Variants in DCHS2 observed in about 807,000 individuals in gnomAD.
DCHS2 encodes dachsous cadherin-related 2, also known as protocadherin-23.
DCHS2 carries 142 observed loss-of-function variants against 182.4 expected under a neutral mutation model. The ratio of observed to expected loss-of-function variants is 0.78; its 90% confidence interval spans 0.68 to 0.89. The LOEUF (loss-of-function observed/expected upper bound fraction) is 0.89, where lower values mean the gene tolerates loss of function less well. DCHS2 is among the 40% of genes least tolerant of loss of function. The probability of loss-of-function intolerance (pLI) is 0.00; values close to 1 mark genes in which losing one functional copy is unlikely to be tolerated. For synonymous variants in DCHS2, 1,740 were observed against 1,663.3 expected (o/e 1.05, Z -1.12); for missense variants, 4,319 against 4,198.6 (o/e 1.03, Z -0.79).
At chr4:154,386,420 C>T (rs1422344292) in intron 1 of DCHS2, among the ~76,000 whole-genome samples, 1 of 152,206 alleles carries the variant, frequency 6.6e-6, no homozygotes, top group Non-Finnish European at 1.5e-5. Context: ...TCTCTTTACT[C>T]TTTGTACACC....
chr4:154,237,177 G>A lies in DCHS2; in HGVS notation c.7493-18C>T, dbSNP rs765544065. On this transcript the variant is annotated intron_variant, in intron 19 of 19. Transcript: ENST00000357232. Reference sequence around the variant, plus strand: ...TATTGTGCCTGAAAAATAAGACATAGTATTTCAACACTGTGAGGTGCAGTT... The same window carrying A: ...TATTGTGCCTGAAAAATAAGACATAATATTTCAACACTGTGAGGTGCAGTT... 1 of 1,589,318 alleles carries A rather than the reference G, an allele frequency of 6.3e-7. No individual in the cohort carries two copies. Among genetic ancestry groups the A allele is most frequent in the Non-Finnish European group, 8.5e-7 (1 of 1,170,836 alleles).
chr4:154,384,392 G>C (rs370268335), intron 1 of DCHS2: 26 of 1,612,890 alleles, frequency 1.6e-5, no homozygotes, highest in Non-Finnish European at 2.2e-5. Flanking sequence ...CTGGTTTTGC[G>C]TTCTCTTCCT....
rs72723390 is a variant in DCHS2, at chr4:154,400,328, T to G, written c.2053-22884A>C. 2.0e-3 allele frequency among the ~76,000 whole-genome samples: 239 copies of G among 117,822 alleles called. 1 individual carries two copies. Among genetic ancestry groups the G allele is most frequent in the Non-Finnish European group, 3.5e-3 (185 of 53,404 alleles). The allele number at this position is 117,822 out of a possible 152,430, so 77.3% of individuals were successfully genotyped here. A position where few individuals can be genotyped will look rare whatever the true frequency, so the allele number is the denominator to read the frequency against. ...AAAAAAAAAAAAAAAGGAAGTAGGC[T>G]TTCAAGACTAGCCCTTATTGTTTGA... On this transcript the variant is annotated intron_variant, in intron 1 of 19. Transcript: ENST00000357232.
intron 2 of DCHS2, among the ~76,000 whole-genome samples, chr4:154,371,239 G>C (rs1043934491): frequency 1.3e-5 from 2 of 152,034 alleles, no homozygotes; most frequent in African/African-American, 2.4e-5. Flanking sequence ...CTATGGTATA[G>C]TCAGACAACA....
rs912166201 is a variant in DCHS2, at chr4:154,490,186, G to A, written c.1170C>T (p.Ala390=). 1.9e-6 allele frequency: 3 copies of A among 1,549,206 alleles called. No homozygotes were observed. The highest frequency in any genetic ancestry group is 2.7e-5 in the African/African-American group (2 of 73,012). The change falls in exon 1 of 20, where the codon GCC becomes GCT. Residue 390 remains alanine, a synonymous_variant. Coordinates refer to ENST00000357232, the MANE Select transcript of DCHS2 (RefSeq NM_001358235.2). Reference sequence around the variant, plus strand: ...CGCGCACCGTGGCAACCTCAGGCTCGGCGCCTCCATCGCGGGCCTCCACCA... The same window carrying A: ...CGCGCACCGTGGCAACCTCAGGCTCAGCGCCTCCATCGCGGGCCTCCACCA... ...QLVVEARDGG[A]EPEVATVRVS...
At chr4:154,435,129 A>G (rs1426865336) in intron 1 of DCHS2, among the ~76,000 whole-genome samples, 3 of 152,182 alleles carry the variant, frequency 2.0e-5, no homozygotes, top group Non-Finnish European at 4.4e-5. Context: ...AATAGGGAAA[A>G]CTAGATGAGG....
At chr4:154,397,100 T>C (rs1431996257) in intron 1 of DCHS2, among the ~76,000 whole-genome samples, 1 of 152,208 alleles carries the variant, frequency 6.6e-6, no homozygotes, top group East Asian at 1.9e-4. Flanking sequence ...CACAGGGGCA[T>C]GTAATATAAG....
intron 19 of DCHS2, among the ~76,000 whole-genome samples, chr4:154,238,268 C>A (rs547715322): frequency 2.6e-5 from 4 of 152,300 alleles, no homozygotes; most frequent in African/African-American, 9.6e-5. Flanking sequence ...ACAGGACGTA[C>A]TTCTCCATTT....
intron 1 of DCHS2, among the ~76,000 whole-genome samples, chr4:154,444,188 C>T (rs1734159139): frequency 6.6e-6 from 1 of 152,116 alleles, no homozygotes; most frequent in Non-Finnish European, 1.5e-5. Context: ...GCTGATGACC[C>T]TCAAATTCAT....
chr4:154,271,538 G>A (rs1292030187), intron 13 of DCHS2, among the ~76,000 whole-genome samples: 1 of 152,148 alleles, frequency 6.6e-6, no homozygotes, highest in Non-Finnish European at 1.5e-5. Flanking sequence ...TGCCTTTAAG[G>A]CAAACCAGGT....
rs1201369160 is a variant in DCHS2, at chr4:154,489,972, G to A, written c.1384C>T (p.Leu462Phe). The A allele has an allele frequency of 4.0e-5, 62 of 1,548,194 alleles. No individual in the cohort carries two copies. Among genetic ancestry groups the A allele is most frequent in the Non-Finnish European group, 5.3e-5 (61 of 1,145,234 alleles). Residue 462 changes from leucine (L) to phenylalanine (F), a missense_variant, in exon 1 of 20, where the codon CTT becomes TTT. Physicochemically the swap from Leu to Phe is conservative, Grantham distance 22. Coordinates refer to ENST00000357232, the MANE Select transcript of DCHS2 (RefSeq NM_001358235.2). ...DEATGELGVG[L>F]GDGSISLSLE... ...GACAGAGAGATGCTCCCGTCTCCAAGACCCACACCAAGCTCCCCTGTGGCC... is the reference window on the plus strand; with the variant it reads ...GACAGAGAGATGCTCCCGTCTCCAAAACCCACACCAAGCTCCCCTGTGGCC...
intron 3 of DCHS2, among the ~76,000 whole-genome samples, chr4:154,353,807 T>G (rs1032159172): frequency 2.6e-5 from 4 of 152,230 alleles, no homozygotes; most frequent in Non-Finnish European, 5.9e-5. Context: ...AAAACAGAAT[T>G]TCCTGGGCGA....
At chr4:154,328,251 G>T in intron 6 of DCHS2, 59 bp from the exon 7 acceptor site, 1 of 1,245,636 alleles carries the variant, frequency 8.0e-7, no homozygotes, top group Non-Finnish European at 1.2e-6. Context: ...AGAAATATCA[G>T]TGGACCTTTA....
intron 1 of DCHS2, among the ~76,000 whole-genome samples, chr4:154,408,586 C>A (rs1346738415): frequency 6.6e-6 from 1 of 151,982 alleles, no homozygotes; most frequent in Non-Finnish European, 1.5e-5. Context: ...AACTAGAAGC[C>A]CTTAGCACTC....
In DCHS2 at chr4:154,270,013, C is replaced by A; in HGVS notation, c.6464G>T (p.Gly2155Val). ...KGLVTENCEA[G>V]TSIVTVKAFA... ...AGCTTTAACAGTCACAATAGAAGTA[C>A]CTGTAAAAATTAGGTAAAAAAAGAA... The change falls in exon 14 of 20, where the codon GGT becomes GTT. Residue 2155 changes from glycine (G) to valine (V), a missense_variant and splice_region_variant. By Grantham distance (109) the Gly-to-Val change is moderately radical. Transcript: ENST00000357232. 6.3e-7 allele frequency: 1 copy of A among 1,591,156 alleles called. No individual in the cohort carries two copies. Among genetic ancestry groups the A allele is most frequent in the South Asian group, 1.2e-5 (1 of 86,422 alleles).
In DCHS2 at chr4:154,286,535, A is replaced by G. The variant is rs1033672538; in HGVS notation, c.6463+11316T>C. Among the ~76,000 whole-genome samples, 7 of 152,032 alleles carry G rather than the reference A, an allele frequency of 4.6e-5. 1 individual carries two copies. The highest frequency in any genetic ancestry group is 7.2e-5 in the African/African-American group (3 of 41,418). On this transcript the variant is annotated intron_variant, in intron 13 of 19. Coordinates refer to ENST00000357232, the MANE Select transcript of DCHS2 (RefSeq NM_001358235.2). ...GAAGTAATTGAAAAAATTCAAGCAG[A>G]AATTCTGGAGTTGGAAAATACAATT...
rs1332588012 is a variant in DCHS2 at position 154,389,531 on chromosome 4, T to C, written c.2053-12087A>G. Among the ~76,000 whole-genome samples, 5 of 147,178 alleles carry C rather than the reference T, an allele frequency of 3.4e-5. 1 individual carries two copies. Among genetic ancestry groups the C allele is most frequent in the Admixed American group, 2.0e-4 (3 of 14,906 alleles). On this transcript the variant is annotated intron_variant, in intron 1 of 19. Transcript: ENST00000357232. ...AAGACAAAGGTTATATATATATATA[T>C]ATATAACCTTTTTTTAAAGGACCTA... is the stretch of plus-strand genomic sequence containing the variant.
intron 1 of DCHS2, among the ~76,000 whole-genome samples, chr4:154,379,053 G>T (rs1731052724): frequency 6.6e-6 from 1 of 152,118 alleles, no homozygotes; most frequent in East Asian, 1.9e-4. Flanking sequence ...GTTCCAGAAT[G>T]CAGAAATATA....
intron 6 of DCHS2, 133 bp from the exon 7 acceptor site, chr4:154,328,325 C>A (rs1246475334): frequency 3.6e-6 from 2 of 559,368 alleles, no homozygotes; most frequent in Non-Finnish European, 6.0e-6. Flanking sequence ...AATTCAAATG[C>A]ATACCATGTA....
Sources: allele counts gnomAD v4.1 joint callset (sites outside exome capture counted in the v4.1 genomes callset), GRCh38; gene constraint gnomAD v4.1.1; transcripts MANE v1.5; gene names NCBI Gene and HGNC (gene_info 2026-07-23, HGNC 2026-07-21).